RNF123: variants seen among roughly 807,000 people sequenced by gnomAD.
RNF123 encodes ring finger protein 123.
Under a neutral mutation model 168.5 loss-of-function variants are expected in RNF123, and 86 were observed. That is an observed-to-expected ratio of 0.51 (90% confidence interval 0.43 to 0.61). RNF123 has a LOEUF of 0.61. Among genes scored for constraint, RNF123 ranks in the 20% least tolerant of loss-of-function variants. The pLI is 0.00. For missense variants in RNF123, 1,419 were observed against 1,729.7 expected (o/e 0.82, Z 3.19); for synonymous variants, 666 against 689.1 (o/e 0.97, Z 0.52).
rs2054364266 is a variant in RNF123, at chr3:49,700,674, T to C, written c.1242T>C (p.His414=). The change falls in exon 15 of 39, where the codon CAT becomes CAC. Residue 414 remains histidine (H), a synonymous_variant. Coordinates refer to ENST00000327697, the MANE Select transcript of RNF123 (RefSeq NM_022064.5). ...YLRLTIAILR[H]EKSRKFLLSN... ...GGCTCACTATCGCCATCCTGAGGCA[T>C]GAGAAGTCCCGCAAGTTTCTGCTTA... 1 of 1,613,854 alleles carries C rather than the reference T, an allele frequency of 6.2e-7. No individual in the cohort carries two copies.
Position 49,705,024 on chromosome 3 carries a change from T to TGCCCCG in RNF123, c.2005_2010dup (p.Arg669_Pro670dup). On this transcript the variant is annotated inframe_insertion, in exon 23 of 39. Transcript: ENST00000327697. ...CTGGCTGTTGGGGGGCCACTGCCCC[T>TGCCCCG]GCCCCGGCCCGGCTGGCTCAGTTCT... 2 of 1,609,674 alleles carry TGCCCCG rather than the reference T, an allele frequency of 1.2e-6. No homozygotes were observed. The highest frequency in any genetic ancestry group is 2.2e-5 in the East Asian group (1 of 44,788).
In RNF123 at chr3:49,699,637, T is replaced by A. The variant is rs760211485; in HGVS notation, c.880-31T>A. 6.2e-7 allele frequency: 1 copy of A among 1,612,696 alleles called. No homozygotes were observed. The highest frequency in any genetic ancestry group is 2.2e-5 in the East Asian group (1 of 44,850). ...GGGGGCTTCCACAGCCTCCTGCCCCTCACACTTCTCCCTCCTCCCCCTCCA... is the reference window on the plus strand; with the variant it reads ...GGGGGCTTCCACAGCCTCCTGCCCCACACACTTCTCCCTCCTCCCCCTCCA... On this transcript the variant is annotated intron_variant, in intron 11 of 38. Coordinates refer to ENST00000327697, the MANE Select transcript of RNF123 (RefSeq NM_022064.5). The surrounding 1 kb of genome is among the most constrained non-coding windows in gnomAD (Gnocchi z 4.8).
chr3:49,706,884 A>G lies in RNF123; in HGVS notation c.2482A>G (p.Thr828Ala). Residue 828 changes from threonine to alanine, a missense_variant, in exon 26 of 39, where the codon ACT (threonine) becomes GCT (alanine). Thr to Ala is a moderately conservative substitution (Grantham distance 58). Transcript: ENST00000327697. The stretch of plus-strand genomic sequence containing the variant: ...CCGCCGTCTTGCCTGGGTCCATGCC[A>G]CTGTCTACTCCCAGGTGTGCTGGTA... ...LSRRLAWVHA[T>A]VYSQEKMLDI... 2 of 1,614,002 alleles carry G rather than the reference A, an allele frequency of 1.2e-6. No individual in the cohort carries two copies. The highest frequency in any genetic ancestry group is 1.7e-6 in the Non-Finnish European group (2 of 1,179,898).
intron 5 of RNF123, 40 bp downstream of exon 5, chr3:49,697,497 T>C: frequency 6.8e-7 from 1 of 1,470,820 alleles, no homozygotes; most frequent in Middle Eastern, 2.2e-4. Flanking sequence ...GTCCAGCCCC[T>C]TCTGACATAG....
intron 15 of RNF123, among the ~76,000 whole-genome samples, 179 bp from the exon 16 acceptor site, chr3:49,701,312 A>T (rs1256740429): frequency 6.6e-6 from 1 of 152,198 alleles, no homozygotes; most frequent in East Asian, 1.9e-4. Context: ...GGTGGGCTTA[A>T]CCACCACAGC....
rs1243545234 is a variant in RNF123 at position 49,714,175 on chromosome 3, G to A, written c.3010+1G>A. The A allele has an allele frequency of 6.2e-7, 1 of 1,613,908 alleles. No individual in the cohort carries two copies. Among genetic ancestry groups the A allele is most frequent in the Admixed American group, 1.7e-5 (1 of 60,016 alleles). ...GACGCCAATTTGCCCAGCCTCCAGA[G>A]TGAGTATCTGGGTTGGGCGAGTCCT... On this transcript the variant is annotated splice_donor_variant, in intron 31 of 38. Coordinates refer to ENST00000327697, the MANE Select transcript of RNF123 (RefSeq NM_022064.5). LOFTEE classifies it high-confidence loss of function.
chr3:49,705,035 G>A lies in RNF123; in HGVS notation c.2011G>A (p.Gly671Ser), dbSNP rs751612616. ...VGGPLPLPRP[G>S]WLSSPTLGRA... ...GGGGCCACTGCCCCTGCCCCGGCCCGGCTGGCTCAGTTCTCCAACTTTGGG... is the reference window on the plus strand; with the variant it reads ...GGGGCCACTGCCCCTGCCCCGGCCCAGCTGGCTCAGTTCTCCAACTTTGGG... The change falls in exon 23 of 39, where the codon GGC becomes AGC. Residue 671 changes from glycine to serine, a missense_variant. Physicochemically the swap from Gly to Ser is moderately conservative, Grantham distance 56. Around this residue, in one of 5 missense-constraint regions of RNF123, gnomAD observed 538 missense variants for 708.8 expected, o/e 0.76. Coordinates refer to ENST00000327697, the MANE Select transcript of RNF123 (RefSeq NM_022064.5). The A allele has an allele frequency of 1.5e-5, 24 of 1,610,030 alleles. No individual in the cohort carries two copies. The East Asian group carries it at 1.6e-4, about 10-fold the overall frequency.
chr3:49,703,374 G>C, intron 20 of RNF123, 53 bp from the exon 21 acceptor site: 1 of 1,449,628 alleles, frequency 6.9e-7, no homozygotes, highest in Non-Finnish European at 9.6e-7. Context: ...GCTGTGGGGA[G>C]GGTCTTCCTA....
intron 18 of RNF123, 38 bp downstream of exon 18, chr3:49,702,182 G>A: frequency 6.2e-7 from 1 of 1,607,506 alleles, no homozygotes; most frequent in Non-Finnish European, 8.5e-7. Context: ...GGGCCCTGTG[G>A]GGAGGGATGC....
intron 35 of RNF123, chr3:49,717,769 G>T: frequency 1.5e-6 from 1 of 688,952 alleles, no homozygotes; most frequent in Non-Finnish European, 2.4e-6. Flanking sequence ...AGGCAGGTTG[G>T]GGACCACAAC....
chr3:49,690,206 C>G (rs571366823), intron 1 of RNF123, among the ~76,000 whole-genome samples: 3 of 152,338 alleles, frequency 2.0e-5, no homozygotes, highest in Non-Finnish European at 2.9e-5. Context: ...GAGCGAAACT[C>G]TAGACCTGCG....
At chr3:49,715,542 T>C in intron 31 of RNF123, 33 bp from the exon 32 acceptor site, 2 of 1,612,538 alleles carry the variant, frequency 1.2e-6, no homozygotes, top group Non-Finnish European at 1.7e-6. Context: ...TGCAGTGGAG[T>C]CCCTGATGAT....
At chr3:49,700,145 G>T (rs892832874) in intron 12 of RNF123, 82 bp from the exon 13 acceptor site, 6 of 1,574,116 alleles carry the variant, frequency 3.8e-6, no homozygotes, top group East Asian at 4.6e-5. Context: ...CCTGAGGCTT[G>T]TGCCTTGGCC....
Position 49,705,117 on chromosome 3 carries a change from C to A in RNF123, c.2093C>A (p.Pro698His). Residue 698 changes from proline to histidine, a missense_variant, in exon 23 of 39, where the codon CCT becomes CAT. Pro to His is a moderately conservative substitution (Grantham distance 77). Around this residue, in one of 5 missense-constraint regions of RNF123, gnomAD observed 538 missense variants for 708.8 expected, o/e 0.76. Coordinates refer to ENST00000327697, the MANE Select transcript of RNF123 (RefSeq NM_022064.5). The stretch of plus-strand genomic sequence containing the variant: ...GTGAGCCTCATGACCCCACGGCGGC[C>A]TCTGAGCACCTCGGAGAAAGTGAAG... ...AAVSLMTPRRPLSTSEKVKVR... is the reference protein window; with the variant it reads ...AAVSLMTPRRHLSTSEKVKVR... The A allele has an allele frequency of 1.2e-6, 2 of 1,610,028 alleles. No homozygotes were observed. Among genetic ancestry groups the A allele is most frequent in the Non-Finnish European group, 1.7e-6 (2 of 1,178,180 alleles).
chr3:49,718,217 GGCAGCGGCAGGCACGGCGGCA>G (rs750297345), intron 35 of RNF123: 30 of 1,610,462 alleles, frequency 1.9e-5, no homozygotes, highest in Admixed American at 6.7e-5. Flanking sequence ...GGCCAGCGGC[GGCAGCGGCAGGCACGGCGGCA>G]GCAGCGGCAG....
At chr3:49,698,254 C>T in intron 7 of RNF123, 117 bp downstream of exon 7, 2 of 1,021,564 alleles carry the variant, frequency 2.0e-6, no homozygotes, top group Non-Finnish European at 1.5e-6. Context: ...ACCTGGACTG[C>T]CCTCTGGAGA....
At position 49,699,325 on chromosome 3, in the gene RNF123, C is replaced by T. The variant is rs528679262; in HGVS notation, c.765-143C>T. 2 of 918,884 alleles carry T rather than the reference C, an allele frequency of 2.2e-6. No homozygotes were observed. The highest frequency in any genetic ancestry group is 3.3e-5 in the African/African-American group (2 of 59,934). 56.9% of individuals were successfully genotyped at this position (918,884 alleles called of 1,614,324 possible). A position where few individuals can be genotyped will look rare whatever the true frequency, so the allele number is the denominator to read the frequency against. ...GAACAGATGAGGAATGTGAAGCATC[C>T]TCCCTAGGGAGAATAAGTGGGCAAG... On this transcript the variant is annotated intron_variant, in intron 10 of 38. Coordinates refer to ENST00000327697, the MANE Select transcript of RNF123 (RefSeq NM_022064.5). The surrounding 1 kb of genome is among the most constrained non-coding windows in gnomAD (Gnocchi z 4.8).
At chr3:49,714,423 T>C (rs12715437) in intron 31 of RNF123, among the ~76,000 whole-genome samples, 124,694 of 152,230 alleles carry the variant, frequency 0.82, 51,422 homozygotes, top group East Asian at 0.99. Context: ...TGGGCCTGGA[T>C]GCTCTATGTG....
rs1441947166 is a variant in RNF123 at position 49,718,647 on chromosome 3, G to A, written c.3501-1864G>A. The stretch of plus-strand genomic sequence containing the variant: ...CTAGGCCAAGAGCTGGGGCCGACGA[G>A]CAGTTCTCAAAGACGCGGCTGTGCT... On this transcript the variant is annotated intron_variant, in intron 35 of 38. Coordinates refer to ENST00000327697, the MANE Select transcript of RNF123 (RefSeq NM_022064.5). 4 of 1,612,944 alleles carry A rather than the reference G, an allele frequency of 2.5e-6. No homozygotes were observed. In the African/African-American group the frequency reaches 5.3e-5, roughly 22 times the overall value.
Sources: allele counts gnomAD v4.1 joint callset (sites outside exome capture counted in the v4.1 genomes callset), GRCh38; gene constraint gnomAD v4.1.1; regional missense constraint gnomAD v4.1.1; non-coding constraint Gnocchi (gnomAD v3.1); transcripts MANE v1.5; gene names NCBI Gene and HGNC (gene_info 2026-07-23, HGNC 2026-07-21).